ADAM12: variants seen among roughly 807,000 people sequenced by gnomAD.
ADAM12 encodes the protein disintegrin and metalloproteinase domain-containing protein 12.
A neutral mutation model predicts 106.4 loss-of-function variants in ADAM12; 70 were observed. The observed-to-expected ratio is 0.66, with a 90% CI of 0.54 to 0.80. ADAM12 has a LOEUF of 0.80. ADAM12 is among the 30% of genes least tolerant of loss of function. The pLI, the probability that ADAM12 is intolerant of heterozygous loss-of-function variation, is 0.00. For synonymous variants in ADAM12, 420 were observed against 433.5 expected (o/e 0.97, Z 0.39); for missense variants, 1,010 against 1,171.9 (o/e 0.86, Z 2.02).
chr10:126,303,442 T>C (rs1159643172), intron 2 of ADAM12, among the ~76,000 whole-genome samples: 5 of 152,310 alleles, frequency 3.3e-5, no homozygotes, highest in Admixed American at 3.3e-4. Flanking sequence ...AGTAATGTAA[T>C]AGCCTGTACA....
Position 126,052,476 on chromosome 10 carries a change from TA to T in ADAM12, c.1610-2808del, listed in dbSNP as rs547397909. Among the ~76,000 whole-genome samples, 12 of 152,360 alleles carry T rather than the reference TA, an allele frequency of 7.9e-5. No homozygotes were observed. In the East Asian group the frequency reaches 2.3e-3, roughly 29 times the overall value. On this transcript the variant is annotated intron_variant, in intron 14 of 22. Coordinates refer to ENST00000448723, the MANE Select transcript of ADAM12 (RefSeq NM_001288973.2). ...TTCTTTCTTGGGAATTGTGACCACT[TA>T]AAAAATACATATACCATGACACAAT... is the stretch of plus-strand genomic sequence containing the variant.
At chr10:126,103,406 A>G (rs1361426932) in intron 8 of ADAM12, among the ~76,000 whole-genome samples, 3 of 152,214 alleles carry the variant, frequency 2.0e-5, no homozygotes. Context: ...GCTAATGTTT[A>G]GTGAGCATTA....
At chr10:126,138,651 CA>C (rs916625460) in intron 4 of ADAM12, among the ~76,000 whole-genome samples, 5 of 152,210 alleles carry the variant, frequency 3.3e-5, no homozygotes, top group Admixed American at 1.3e-4. Context: ...GCTGGGATTA[CA>C]GGCGTGAGCC....
intron 11 of ADAM12, among the ~76,000 whole-genome samples, chr10:126,089,016 C>T (rs746980938): frequency 6.6e-6 from 1 of 152,052 alleles, no homozygotes; most frequent in Non-Finnish European, 1.5e-5. Context: ...TTTCTCATCC[C>T]ACATTATCCT....
At chr10:126,072,186 G>A (rs1955010637) in intron 11 of ADAM12, among the ~76,000 whole-genome samples, 1 of 152,078 alleles carries the variant, frequency 6.6e-6, no homozygotes, top group Admixed American at 6.5e-5. Context: ...TCTTCCCCCA[G>A]CACAGTTGTA....
intron 1 of ADAM12, among the ~76,000 whole-genome samples, chr10:126,350,250 TG>T (rs10716354): frequency 0.15 from 23,023 of 152,130 alleles, 2,079 homozygotes; most frequent in Middle Eastern, 0.28. Context: ...AAGGGCTGGG[TG>T]GGGAGCAAAG....
At chr10:126,184,003 C>T (rs1957358531) in intron 3 of ADAM12, among the ~76,000 whole-genome samples, 1 of 152,134 alleles carries the variant, frequency 6.6e-6, no homozygotes, top group South Asian at 2.1e-4. Flanking sequence ...TTATATTTTA[C>T]TTGATTTTCT....
In ADAM12 at chr10:126,101,058, A is replaced by T. The variant is rs755448406; in HGVS notation, c.911+14T>A. The T allele has an allele frequency of 1.6e-5, 25 of 1,611,946 alleles. No homozygotes were observed. In the Admixed American group the frequency reaches 4.2e-4, roughly 27 times the overall value. On this transcript the variant is annotated intron_variant, in intron 9 of 22. Transcript: ENST00000448723. ...CTCCTTTTTTTTTTAAGCAGACAAG[A>T]CGTAACTCCCTACCTGACAAGCTGC... is the stretch of plus-strand genomic sequence containing the variant.
intron 11 of ADAM12, among the ~76,000 whole-genome samples, chr10:126,076,845 A>G (rs1316061284): frequency 2.6e-5 from 4 of 152,116 alleles, no homozygotes; most frequent in African/African-American, 9.7e-5. Context: ...AAGCTCTTTA[A>G]TTAGGTCCCA....
chr10:126,321,379 A>G (rs1247034740), intron 2 of ADAM12, among the ~76,000 whole-genome samples: 3 of 152,170 alleles, frequency 2.0e-5, no homozygotes, highest in Non-Finnish European at 4.4e-5. Flanking sequence ...AATCTAAGAC[A>G]ACCCGATTCA....
At chr10:126,311,833 C>A (rs1311002811) in intron 2 of ADAM12, among the ~76,000 whole-genome samples, 2 of 152,054 alleles carry the variant, frequency 1.3e-5, no homozygotes, top group African/African-American at 4.8e-5. Context: ...TCATTGGTGT[C>A]CTTTACCATA....
chr10:126,374,325 T>C (rs1856206337), intron 1 of ADAM12, among the ~76,000 whole-genome samples: 1 of 152,076 alleles, frequency 6.6e-6, no homozygotes, highest in Non-Finnish European at 1.5e-5. Context: ...GAACTCACAA[T>C]TTAAAATTGC....
intron 4 of ADAM12, among the ~76,000 whole-genome samples, chr10:126,146,745 T>C (rs552039343): frequency 1.3e-5 from 2 of 152,310 alleles, no homozygotes; most frequent in South Asian, 4.1e-4. Context: ...TATTTTCCTA[T>C]GATCTCTAGT....
At chr10:126,063,171 C>T (rs752170945) in intron 14 of ADAM12, among the ~76,000 whole-genome samples, 17 of 152,210 alleles carry the variant, frequency 1.1e-4, no homozygotes, top group Admixed American at 2.6e-4. Context: ...CAGGCCTCCC[C>T]ATCCCACCTG....
intron 3 of ADAM12, among the ~76,000 whole-genome samples, chr10:126,247,922 T>C (rs1958661333): frequency 6.6e-6 from 1 of 152,204 alleles, no homozygotes; most frequent in Admixed American, 6.5e-5. Context: ...CGGAGTAAGA[T>C]GCTCTTTGAA....
In ADAM12 at chr10:126,049,260, T is replaced by C; in HGVS notation, c.1910A>G (p.Asp637Gly). Residue 637 changes from aspartate to glycine, a missense_variant, in exon 16 of 23, where the codon GAT (aspartate) becomes GGT (glycine). Asp to Gly is a moderately conservative substitution (Grantham distance 94, BLOSUM62 -1). Around this residue, in one of 3 missense-constraint regions of ADAM12, gnomAD observed 615 missense variants for 708.5 expected, o/e 0.87. Transcript: ENST00000448723. This position sits in a 1 kb window ranked among gnomAD's most constrained non-coding sequence, Gnocchi z 4.4. The stretch of plus-strand genomic sequence containing the variant: ...CAAACATTTGGGTCTTACTTTTCCA[T>C]CTGCACACTTTGTGCCTGCAAGCAC... ...GLVLAGTKCA[D>G]GKICLNRQCQ... 6.2e-7 allele frequency: 1 copy of C among 1,614,098 alleles called. No homozygotes were observed. The highest frequency in any genetic ancestry group is 8.5e-7 in the Non-Finnish European group (1 of 1,179,966).
intron 1 of ADAM12, among the ~76,000 whole-genome samples, chr10:126,351,586 T>C (rs183994856): frequency 4.6e-4 from 70 of 152,276 alleles, no homozygotes; most frequent in African/African-American, 1.6e-3. Flanking sequence ...CCCCCAGCAC[T>C]GCACCTTGGA....
chr10:126,192,195 T>C (rs1565127786), intron 3 of ADAM12, among the ~76,000 whole-genome samples: 1 of 152,220 alleles, frequency 6.6e-6, no homozygotes. Context: ...GCTTAACTTC[T>C]CTGTGACTGC....
intron 3 of ADAM12, among the ~76,000 whole-genome samples, chr10:126,269,884 A>ATC: frequency 6.6e-6 from 1 of 152,322 alleles, no homozygotes; most frequent in East Asian, 1.9e-4. Context: ...AAAAAGGTTG[A>ATC]TCTTAACCAG....
Sources: allele counts gnomAD v4.1 joint callset (sites outside exome capture counted in the v4.1 genomes callset), GRCh38; gene constraint gnomAD v4.1.1; regional missense constraint gnomAD v4.1.1; non-coding constraint Gnocchi (gnomAD v3.1); transcripts MANE v1.5; gene names NCBI Gene and HGNC (gene_info 2026-07-23, HGNC 2026-07-21).